The following PRKCE variants were observed in gnomAD, a reference collection of about 807,000 sequenced individuals.
The protein encoded by PRKCE is protein kinase C epsilon, also known as protein kinase C epsilon type.
A neutral mutation model predicts 85.4 loss-of-function variants in PRKCE; 16 were observed. That is an observed-to-expected ratio of 0.19 (90% CI 0.13 to 0.28). The LOEUF (loss-of-function observed/expected upper bound fraction) is 0.28, where lower values mean the gene tolerates loss of function less well. Among genes scored for constraint, PRKCE ranks in the 10% least tolerant of loss-of-function variants. The pLI, the probability that PRKCE is intolerant of heterozygous loss-of-function variation, is 1.00. For missense variants in PRKCE, 573 were observed against 975.2 expected, an observed-to-expected ratio of 0.59 and a Z score of 5.49; for synonymous variants, 388 against 371.5, an observed-to-expected ratio of 1.04 and a Z score of -0.51.
intron 2 of PRKCE, among the ~76,000 whole-genome samples, chr2:45,967,529 C>T (rs1024919172): frequency 5.3e-5 from 8 of 152,096 alleles, no homozygotes; most frequent in Admixed American, 2.0e-4. Flanking sequence ...TCACTTGGGC[C>T]TTTATCAACC....
intron 2 of PRKCE, among the ~76,000 whole-genome samples, chr2:45,873,716 A>G (rs573153077): frequency 2.0e-5 from 3 of 152,082 alleles, no homozygotes; most frequent in Non-Finnish European, 4.4e-5. Flanking sequence ...CCACTCTCCC[A>G]TGTTCCAGGA....
At chr2:45,912,550 AGAG>A (rs1697459870) in intron 2 of PRKCE, among the ~76,000 whole-genome samples, 1 of 152,154 alleles carries the variant, frequency 6.6e-6, no homozygotes, top group Non-Finnish European at 1.5e-5. Context: ...AGCCTTCATC[AGAG>A]GAGAAGGCTT....
intron 1 of PRKCE, among the ~76,000 whole-genome samples, chr2:45,777,465 A>C (rs1416330625): frequency 6.6e-6 from 1 of 152,032 alleles, no homozygotes; most frequent in African/African-American, 2.4e-5. Flanking sequence ...CAATGAAGGC[A>C]GTGGCGCCCA....
At position 46,056,283 on chromosome 2, in the gene PRKCE, A is replaced by C. The variant is rs1022340485; in HGVS notation, c.1438-29925A>C. On this transcript the variant is annotated intron_variant, in intron 10 of 14. Coordinates refer to ENST00000306156, the MANE Select transcript of PRKCE (RefSeq NM_005400.3). ...ATTTCATCCTTTGGCTTTCAGGCCCATCAGTTTCAGATCTCTCTCCTCCAG... is the reference window on the plus strand; with the variant it reads ...ATTTCATCCTTTGGCTTTCAGGCCCCTCAGTTTCAGATCTCTCTCCTCCAG... Among the ~76,000 whole-genome samples the C allele has an allele frequency of 2.7e-5, 4 of 147,890 alleles. No individual in the cohort carries two copies. In the Admixed American group the frequency reaches 2.7e-4, roughly 10 times the overall value.
chr2:45,953,470 C>T (rs1008021414), intron 2 of PRKCE, among the ~76,000 whole-genome samples: 5 of 152,124 alleles, frequency 3.3e-5, no homozygotes, highest in African/African-American at 1.2e-4. Flanking sequence ...AGCCAGCTAC[C>T]GCTCCCTTTC....
At chr2:45,825,933 G>T (rs928383991) in intron 1 of PRKCE, among the ~76,000 whole-genome samples, 1 of 152,006 alleles carries the variant, frequency 6.6e-6, no homozygotes, top group Admixed American at 6.5e-5. Context: ...AGGGACGGGG[G>T]GATGGGGGGA....
intron 2 of PRKCE, among the ~76,000 whole-genome samples, chr2:45,859,782 C>A (rs1692994765): frequency 6.6e-6 from 1 of 152,154 alleles, no homozygotes; most frequent in Non-Finnish European, 1.5e-5. Context: ...TTGAACAAAT[C>A]ATGTCACATA....
chr2:45,728,577 G>T (rs1261450264), intron 1 of PRKCE, among the ~76,000 whole-genome samples: 2 of 152,216 alleles, frequency 1.3e-5, no homozygotes, highest in African/African-American at 4.8e-5. Context: ...TGGAATCTTT[G>T]TATCTTAGTC....
At chr2:45,974,463 C>G (rs1398270768) in intron 2 of PRKCE, among the ~76,000 whole-genome samples, 1 of 152,188 alleles carries the variant, frequency 6.6e-6, no homozygotes, top group Non-Finnish European at 1.5e-5. Flanking sequence ...GATCCACAAG[C>G]AGACCTCCAC....
chr2:45,949,130 G>A (rs1195177406), intron 2 of PRKCE, among the ~76,000 whole-genome samples: 1 of 152,188 alleles, frequency 6.6e-6, no homozygotes, highest in African/African-American at 2.4e-5. Flanking sequence ...TGTATACTGA[G>A]GAAGGACCTG....
chr2:45,931,667 T>C lies in PRKCE; in HGVS notation c.413-44762T>C, dbSNP rs10200429. Among the ~76,000 whole-genome samples, 285 of 152,266 alleles carry C rather than the reference T, an allele frequency of 1.9e-3. 1 individual carries two copies. The highest frequency in any genetic ancestry group is 6.5e-3 in the African/African-American group (268 of 41,546). ...TGCCAACTTTTTCATTAAAGTAACA[T>C]AGACACACAGAAAAATGCATGGCTA... On this transcript the variant is annotated intron_variant, in intron 2 of 14. Transcript: ENST00000306156.
At chr2:46,013,739 G>A (rs749827890) in intron 10 of PRKCE, among the ~76,000 whole-genome samples, 23 of 152,082 alleles carry the variant, frequency 1.5e-4, no homozygotes, top group Admixed American at 3.9e-4. Flanking sequence ...ATATTAAGTC[G>A]AGTTTAATTA....
At position 46,041,543 on chromosome 2, in the gene PRKCE, C is replaced by T. The variant is rs996103349; in HGVS notation, c.1437+31026C>T. On this transcript the variant is annotated intron_variant, in intron 10 of 14. Coordinates refer to ENST00000306156, the MANE Select transcript of PRKCE (RefSeq NM_005400.3). The surrounding 1 kb of genome is among the most constrained non-coding windows in gnomAD (Gnocchi z 5.5). The stretch of plus-strand genomic sequence containing the variant: ...GCATTTGCAGGAACTATGGGAATCT[C>T]AGCACATAGTCTTAGATAAATTTTA... 2.0e-5 allele frequency among the ~76,000 whole-genome samples: 3 copies of T among 152,216 alleles called. No homozygotes were observed. Among genetic ancestry groups the T allele is most frequent in the East Asian group, 1.9e-4 (1 of 5,204 alleles).
At chr2:46,063,348 GAA>G (rs547596116) in intron 10 of PRKCE, among the ~76,000 whole-genome samples, 7 of 118,006 alleles carry the variant, frequency 5.9e-5, no homozygotes, top group Non-Finnish European at 1.1e-4. Flanking sequence ...AAGTTGAACA[GAA>G]AAAAAAAAAA....
intron 1 of PRKCE, among the ~76,000 whole-genome samples, chr2:45,711,177 A>T (rs1679601969): frequency 6.6e-6 from 1 of 152,240 alleles, no homozygotes; most frequent in African/African-American, 2.4e-5. Context: ...CAAGGTACTT[A>T]TCCCCTTTGT....
intron 1 of PRKCE, among the ~76,000 whole-genome samples, chr2:45,723,943 A>G (rs1680840057): frequency 6.6e-6 from 1 of 152,132 alleles, no homozygotes; most frequent in African/African-American, 2.4e-5. Flanking sequence ...GTGATGACAT[A>G]GTCTGTTCTT....
intron 14 of PRKCE, among the ~76,000 whole-genome samples, chr2:46,164,392 G>A (rs944013465): frequency 4.6e-5 from 7 of 152,198 alleles, no homozygotes; most frequent in Admixed American, 4.6e-4. Flanking sequence ...CCCTAATCTG[G>A]TAAAACTGAA....
intron 14 of PRKCE, chr2:46,160,152 G>A (rs761477853): frequency 4.3e-5 from 9 of 209,570 alleles, no homozygotes; most frequent in African/African-American, 9.6e-5. Context: ...AATAATAGCC[G>A]TGGTCATTCC....
intron 11 of PRKCE, among the ~76,000 whole-genome samples, chr2:46,126,451 G>A (rs1673862268): frequency 6.6e-6 from 1 of 152,100 alleles, no homozygotes; most frequent in Admixed American, 6.5e-5. Context: ...GGACTCCCAT[G>A]GGGGAGTCCA....
Sources: gnomAD v4.1 joint callset for allele counts (sites outside exome capture counted in the v4.1 genomes callset) on GRCh38, gnomAD v4.1.1 for gene constraint, Gnocchi (gnomAD v3.1) non-coding constraint, MANE v1.5 for transcripts, NCBI Gene and HGNC (gene_info 2026-07-23, HGNC 2026-07-21) for gene names.